DAB1: variants seen among roughly 807,000 people sequenced by gnomAD.
DAB1 encodes DAB adaptor protein 1, also known as disabled homolog 1.
DAB1 carries 15 observed loss-of-function variants against 64.6 expected under a neutral mutation model. The ratio of observed to expected loss-of-function variants is 0.23; its 90% CI spans 0.16 to 0.36. The LOEUF is 0.36. Among genes scored for constraint, DAB1 ranks in the 10% least tolerant of loss-of-function variants. DAB1 has a pLI of 1.00. For synonymous variants in DAB1, 235 were observed against 251.9 expected (o/e 0.93, Z 0.64); for missense variants, 596 against 706.7 (o/e 0.84, Z 1.78).
chr1:57,048,893 A>G (rs1648859150), intron 9 of DAB1, among the ~76,000 whole-genome samples: 1 of 152,208 alleles, frequency 6.6e-6, no homozygotes, highest in Non-Finnish European at 1.5e-5. Context: ...CAACTGAGCA[A>G]ACAAGACAGC....
At chr1:58,333,540 G>C (rs1164890161) in intron 4 of DAB1, among the ~76,000 whole-genome samples, 2 of 152,236 alleles carry the variant, frequency 1.3e-5, no homozygotes, top group East Asian at 3.8e-4. Flanking sequence ...GTGTATGGGT[G>C]CACACGCACA....
At chr1:57,156,823 G>A (rs555115567) in intron 2 of DAB1, among the ~76,000 whole-genome samples, 3 of 152,270 alleles carry the variant, frequency 2.0e-5, no homozygotes, top group African/African-American at 4.8e-5. Context: ...AAATCCAGCC[G>A]ATTCTTCTGG....
chr1:57,424,207 G>GGCC (rs1454324792), upstream of DAB1: 4 of 147,910 alleles, frequency 2.7e-5, no homozygotes, highest in African/African-American at 9.8e-5. Context: ...CTAGCTCCCC[G>GGCC]GCCGCCGCCG....
intron 3 of DAB1, among the ~76,000 whole-genome samples, chr1:58,401,451 C>T (rs915781282): frequency 6.6e-6 from 1 of 151,858 alleles, no homozygotes; most frequent in Non-Finnish European, 1.5e-5. Context: ...TTCCTCAATT[C>T]TTTGCTCACA....
intron 5 of DAB1, among the ~76,000 whole-genome samples, chr1:58,045,476 T>A (rs894092551): frequency 2.0e-5 from 3 of 152,152 alleles, no homozygotes; most frequent in African/African-American, 7.2e-5. Context: ...GATCCTCTCA[T>A]TACTGGCCAT....
intron 1 of DAB1, among the ~76,000 whole-genome samples, chr1:57,293,227 A>G (rs371366907): frequency 1.2e-4 from 18 of 152,298 alleles, no homozygotes; most frequent in East Asian, 9.6e-4. Context: ...GTCTGCCTGG[A>G]CATTCTATTG....
At chr1:57,842,768 G>C (rs151016082) in intron 1 of DAB1, among the ~76,000 whole-genome samples, 6 of 152,304 alleles carry the variant, frequency 3.9e-5, no homozygotes, top group Non-Finnish European at 7.4e-5. Context: ...CCTCCCACCA[G>C]GTCCTTTCCT....
chr1:58,466,129 C>T (rs1414722143), intron 3 of DAB1, among the ~76,000 whole-genome samples: 1 of 152,068 alleles, frequency 6.6e-6, no homozygotes, highest in African/African-American at 2.4e-5. Context: ...CCCTGGCCAC[C>T]CCCAGCCAAT....
intron 7 of DAB1, among the ~76,000 whole-genome samples, chr1:57,502,568 T>C (rs1644303091): frequency 6.6e-6 from 1 of 152,218 alleles, no homozygotes; most frequent in African/African-American, 2.4e-5. Flanking sequence ...GGGTGCTGTG[T>C]CTATTTGGTT....
chr1:57,047,764 A>T (rs1053332404), intron 9 of DAB1, among the ~76,000 whole-genome samples: 1 of 152,184 alleles, frequency 6.6e-6, no homozygotes, highest in African/African-American at 2.4e-5. Flanking sequence ...CTTCGGCCCC[A>T]TCCCAGGCTC....
intron 2 of DAB1, among the ~76,000 whole-genome samples, chr1:57,163,309 C>T (rs775446025): frequency 6.6e-6 from 1 of 152,104 alleles, no homozygotes; most frequent in African/African-American, 2.4e-5. Flanking sequence ...TTTAGACAGG[C>T]TGGTCCATGA....
intron 2 of DAB1, among the ~76,000 whole-genome samples, chr1:58,514,172 A>T (rs1409419125): frequency 6.6e-6 from 1 of 152,210 alleles, no homozygotes; most frequent in African/African-American, 2.4e-5. Context: ...ATGAATTTAC[A>T]AGAAGGTTCT....
intron 10 of DAB1, among the ~76,000 whole-genome samples, chr1:57,024,551 G>A (rs758758323): frequency 4.6e-5 from 7 of 152,134 alleles, no homozygotes; most frequent in Admixed American, 6.5e-5. Flanking sequence ...CTTGCAGGAC[G>A]AATGGCATTG....
chr1:57,306,735 T>C (rs2100718882), intron 1 of DAB1: 1 of 152,198 alleles, frequency 6.6e-6, no homozygotes, highest in African/African-American at 2.4e-5. Context: ...CTTAAGCATA[T>C]CTAACAACAT....
At chr1:58,325,131 C>T (rs1185122684) in intron 4 of DAB1, among the ~76,000 whole-genome samples, 1 of 152,194 alleles carries the variant, frequency 6.6e-6, no homozygotes, top group African/African-American at 2.4e-5. Context: ...GATTGGACAA[C>T]TGAATCCTGG....
chr1:57,077,789 T>C (rs915335275), intron 4 of DAB1, among the ~76,000 whole-genome samples: 10 of 151,894 alleles, frequency 6.6e-5, no homozygotes, highest in African/African-American at 2.2e-4. Context: ...TAGTTTTTTT[T>C]AAAGAATAAA....
At chr1:58,506,877 A>G (rs1311795638) in intron 2 of DAB1, among the ~76,000 whole-genome samples, 1 of 152,150 alleles carries the variant, frequency 6.6e-6, no homozygotes, top group Non-Finnish European at 1.5e-5. Flanking sequence ...AATACCTTAT[A>G]AAAGTACAAT....
chr1:57,288,948 A>G (rs761631121), intron 2 of DAB1, among the ~76,000 whole-genome samples: 2 of 152,198 alleles, frequency 1.3e-5, no homozygotes, highest in Admixed American at 6.5e-5. Flanking sequence ...CCATTTTATA[A>G]GAGAGGAAAA....
intron 5 of DAB1, among the ~76,000 whole-genome samples, chr1:57,973,712 C>T (rs1645852083): frequency 6.6e-6 from 1 of 152,158 alleles, no homozygotes; most frequent in South Asian, 2.1e-4. Flanking sequence ...GGTCTACCTT[C>T]AAAACATCCC....
Sources: allele counts gnomAD v4.1 joint callset (sites outside exome capture counted in the v4.1 genomes callset), GRCh38; gene constraint gnomAD v4.1.1; transcripts MANE v1.5; gene names NCBI Gene and HGNC (gene_info 2026-07-23, HGNC 2026-07-21).